PDE8A: variants seen among roughly 807,000 people sequenced by gnomAD.
The protein encoded by PDE8A is phosphodiesterase 8A.
A neutral mutation model predicts 105.0 loss-of-function variants in PDE8A; 59 were observed. The observed-to-expected ratio is 0.56, with a 90% CI of 0.46 to 0.70. The LOEUF (loss-of-function observed/expected upper bound fraction) is 0.70, where lower values mean the gene tolerates loss of function less well. PDE8A is among the 30% of genes least tolerant of loss of function. PDE8A has a pLI of 0.00. For missense variants in PDE8A, 1,014 were observed against 1,045.9 expected, an observed-to-expected ratio of 0.97 and a Z score of 0.42; for synonymous variants, 355 against 371.9, an observed-to-expected ratio of 0.95 and a Z score of 0.52.
rs2082257832 is a variant in PDE8A, at chr15:85,126,301, T to C, written c.2180T>C (p.Val727Ala). Residue 727 changes from valine (V) to alanine (A), a missense_variant, in exon 20 of 22, where the codon GTG (valine) becomes GCG (alanine). Val to Ala is a moderately conservative substitution (Grantham distance 64, BLOSUM62 0). Transcript: ENST00000394553. ...CGAATGCTGATTAAATGTGCTGATG[T>C]GTCCAATCCCTGCCGACCCCTGCAG... The part of the protein sequence containing the change: ...IKRMLIKCAD[V>A]SNPCRPLQYC... The C allele has an allele frequency of 1.9e-6, 3 of 1,613,180 alleles. No homozygotes were observed. Among genetic ancestry groups the C allele is most frequent in the South Asian group, 1.1e-5 (1 of 90,926 alleles).
At chr15:84,997,800 G>T (rs1214040869) in intron 1 of PDE8A, among the ~76,000 whole-genome samples, 1 of 152,072 alleles carries the variant, frequency 6.6e-6, no homozygotes, top group Non-Finnish European at 1.5e-5. Context: ...TCTCCATGTT[G>T]GTCAGGCTGG....
In PDE8A at chr15:85,136,576, G is replaced by A. The variant is rs774118354; in HGVS notation, c.2296G>A (p.Val766Met). The A allele has an allele frequency of 5.6e-6, 9 of 1,613,874 alleles. No homozygotes were observed. Among genetic ancestry groups the A allele is most frequent in the South Asian group, 1.1e-5 (1 of 91,080 alleles). The change falls in exon 21 of 22, where the codon GTG (valine) becomes ATG (methionine). Residue 766 changes from valine to methionine, a missense_variant. Physicochemically the swap from Val to Met is conservative, Grantham distance 21 (BLOSUM62 1). Coordinates refer to ENST00000394553, the MANE Select transcript of PDE8A (RefSeq NM_002605.3). ...KQQGLPVVMP[V>M]FDRNTCSIPK... ...GCAGGGCTTACCTGTGGTGATGCCA[G>A]TGTTTGACAGAAATACCTGCAGCAT...
intron 1 of PDE8A, among the ~76,000 whole-genome samples, chr15:85,008,438 A>G (rs1290128774): frequency 1.3e-5 from 2 of 151,868 alleles, no homozygotes; most frequent in East Asian, 3.9e-4. Context: ...CCCTTCCTCC[A>G]TACTGTGTAA....
At chr15:85,017,225 C>T (rs1043891531) in intron 1 of PDE8A, among the ~76,000 whole-genome samples, 1 of 149,950 alleles carries the variant, frequency 6.7e-6, no homozygotes, top group Non-Finnish European at 1.5e-5. Flanking sequence ...TGCGCCACTG[C>T]AGTCCGCAGT....
intron 1 of PDE8A, among the ~76,000 whole-genome samples, chr15:85,058,879 C>T (rs2081102725): frequency 6.6e-6 from 1 of 152,014 alleles, no homozygotes. Context: ...TCTGTATTAT[C>T]TATTCTCTAT....
intron 1 of PDE8A, among the ~76,000 whole-genome samples, chr15:84,994,527 A>G (rs1412792093): frequency 2.0e-5 from 3 of 152,158 alleles, no homozygotes; most frequent in Admixed American, 6.5e-5. Flanking sequence ...AAATACAGCA[A>G]TCTTGAAGGA....
At chr15:85,039,318 A>C (rs976348619) in intron 1 of PDE8A, among the ~76,000 whole-genome samples, 1 of 151,940 alleles carries the variant, frequency 6.6e-6, no homozygotes, top group Non-Finnish European at 1.5e-5. Context: ...AGTCCCAGCT[A>C]CTTGGGAATC....
intron 5 of PDE8A, among the ~76,000 whole-genome samples, chr15:85,081,970 C>G (rs1215031335): frequency 1.3e-5 from 2 of 152,018 alleles, no homozygotes; most frequent in African/African-American, 4.8e-5. Flanking sequence ...CCCTCCACAG[C>G]CCTCACATCC....
chr15:85,123,568 C>T (rs773467321), intron 19 of PDE8A, among the ~76,000 whole-genome samples: 1 of 152,144 alleles, frequency 6.6e-6, no homozygotes, highest in Non-Finnish European at 1.5e-5. Flanking sequence ...GTCCATCTCT[C>T]CTTTTCATGT....
intron 3 of PDE8A, among the ~76,000 whole-genome samples, chr15:85,075,033 A>G (rs891835725): frequency 2.6e-5 from 4 of 152,170 alleles, no homozygotes; most frequent in Non-Finnish European, 5.9e-5. Flanking sequence ...GTTCTTCTCT[A>G]GAGTCTGCTC....
At chr15:85,084,074 A>G (rs552715484) in intron 6 of PDE8A, among the ~76,000 whole-genome samples, 1 of 150,898 alleles carries the variant, frequency 6.6e-6, no homozygotes, top group Non-Finnish European at 1.5e-5. Flanking sequence ...TTTTTAAGTG[A>G]CATGAGTAGA....
intron 1 of PDE8A, among the ~76,000 whole-genome samples, chr15:85,055,828 T>C (rs1292742812): frequency 6.6e-6 from 1 of 152,198 alleles, no homozygotes; most frequent in Non-Finnish European, 1.5e-5. Flanking sequence ...AATATTGTTA[T>C]GTGTGAATTT....
chr15:85,012,303 A>G lies in PDE8A; in HGVS notation c.186+29955A>G, dbSNP rs374406143. Among the ~76,000 whole-genome samples the G allele has an allele frequency of 5.3e-5, 8 of 152,258 alleles. No individual in the cohort carries two copies. In the South Asian group the frequency reaches 6.2e-4, roughly 12 times the overall value. On this transcript the variant is annotated intron_variant, in intron 1 of 21. Coordinates refer to ENST00000394553, the MANE Select transcript of PDE8A (RefSeq NM_002605.3). ...GCAAAGACTTGGAGCCAACCCAAATATCCAACAATGATAGACTGGATTAAG... is the reference window on the plus strand; with the variant it reads ...GCAAAGACTTGGAGCCAACCCAAATGTCCAACAATGATAGACTGGATTAAG...
chr15:85,115,518 A>C (rs770146821), intron 15 of PDE8A, 31 bp downstream of exon 15: 3 of 1,164,840 alleles, frequency 2.6e-6, no homozygotes, highest in Non-Finnish European at 3.7e-6. Context: ...TTCTTAGATC[A>C]CTGTCTATAA....
intron 20 of PDE8A, among the ~76,000 whole-genome samples, chr15:85,135,222 G>A (rs2082390111): frequency 6.6e-6 from 1 of 152,136 alleles, no homozygotes; most frequent in South Asian, 2.1e-4. Context: ...AAGTTCGGCT[G>A]TGAGTGTAGA....
At chr15:85,134,111 G>A (rs1340967297) in intron 20 of PDE8A, among the ~76,000 whole-genome samples, 1 of 152,200 alleles carries the variant, frequency 6.6e-6, no homozygotes, top group African/African-American at 2.4e-5. Context: ...GCCCCTGGAC[G>A]TTCCATGCAC....
chr15:85,016,997 C>T (rs1260042830), intron 1 of PDE8A, among the ~76,000 whole-genome samples: 5 of 149,636 alleles, frequency 3.3e-5, no homozygotes, highest in African/African-American at 7.4e-5. Context: ...CGCGGTGGCT[C>T]ACGCCTGTAA....
chr15:85,072,842 G>T (rs953566243), intron 3 of PDE8A, among the ~76,000 whole-genome samples: 1 of 152,172 alleles, frequency 6.6e-6, no homozygotes, highest in Non-Finnish European at 1.5e-5. Flanking sequence ...GCCGGGCTTG[G>T]TGGCTCACAC....
At chr15:85,104,279 A>AATGATG (rs890693103) in intron 11 of PDE8A, among the ~76,000 whole-genome samples, 1 of 152,140 alleles carries the variant, frequency 6.6e-6, no homozygotes, top group Non-Finnish European at 1.5e-5. Context: ...GCTTCCCAGC[A>AATGATG]ATGATGATGA....
Sources: gnomAD v4.1 joint callset for allele counts (sites outside exome capture counted in the v4.1 genomes callset) on GRCh38, gnomAD v4.1.1 for gene constraint, MANE v1.5 for transcripts, NCBI Gene and HGNC (gene_info 2026-07-23, HGNC 2026-07-21) for gene names.